HIPK2: variants seen among roughly 807,000 people sequenced by gnomAD.
HIPK2 encodes homeodomain-interacting protein kinase 2.
HIPK2 carries 27 observed loss-of-function variants against 113.7 expected under a neutral mutation model. The ratio of observed to expected loss-of-function variants is 0.24; its 90% CI spans 0.17 to 0.33. The LOEUF (loss-of-function observed/expected upper bound fraction) is 0.33, where lower values mean the gene tolerates loss of function less well. Ranked by LOEUF, HIPK2 falls within the 10% of genes least tolerant of loss-of-function variation. HIPK2 has a pLI of 1.00. For synonymous variants in HIPK2, 631 were observed against 642.2 expected (o/e 0.98, Z 0.26); for missense variants, 1,257 against 1,588.0 (o/e 0.79, Z 3.54).
intron 13 of HIPK2, among the ~76,000 whole-genome samples, chr7:139,578,969 G>A (rs79672391): frequency 0.072 from 10,919 of 152,248 alleles, 500 homozygotes; most frequent in Middle Eastern, 0.15. Flanking sequence ...CCACCGTGCC[G>A]GACAGCTATA....
chr7:139,688,850 A>C (rs2116763722), intron 2 of HIPK2, among the ~76,000 whole-genome samples: 1 of 152,324 alleles, frequency 6.6e-6, no homozygotes. Flanking sequence ...TAATGCCACC[A>C]GTATAGAACA....
At chr7:139,765,595 C>T (rs928907065) in intron 1 of HIPK2, among the ~76,000 whole-genome samples, 2 of 152,190 alleles carry the variant, frequency 1.3e-5, no homozygotes, top group Non-Finnish European at 2.9e-5. Flanking sequence ...GTATTTTGAA[C>T]ATATTTTTGT....
chr7:139,648,651 C>T (rs1343945888), intron 2 of HIPK2, among the ~76,000 whole-genome samples: 1 of 152,180 alleles, frequency 6.6e-6, no homozygotes, highest in Non-Finnish European at 1.5e-5. Flanking sequence ...GCTTAGGTTC[C>T]ATCACTTCCT....
In HIPK2 at chr7:139,571,655, AAAAAG is replaced by A. The variant is rs1402527742; in HGVS notation, c.*1267_*1271del. ...CAACGGGCATTAACATTTTAAAAAG[AAAAAG>A]AAAAAGAAAAAAAAAAGGCCAGCGT... On this transcript the variant is annotated 3_prime_UTR_variant, in exon 15 of 15. Transcript: ENST00000406875. 3.3e-5 allele frequency: 5 copies of A among 152,172 alleles called. No homozygotes were observed. The highest frequency in any genetic ancestry group is 7.3e-5 in the Non-Finnish European group (5 of 68,028). 9.4% of individuals were successfully genotyped at this position (152,172 alleles called of 1,614,324 possible).
intron 2 of HIPK2, among the ~76,000 whole-genome samples, chr7:139,673,006 A>G (rs1295355861): frequency 6.6e-6 from 1 of 152,224 alleles, no homozygotes; most frequent in Admixed American, 6.5e-5. Flanking sequence ...ACCACCTGGA[A>G]CAATCAAAAC....
At chr7:139,616,389 G>C (rs892230843) in intron 7 of HIPK2, among the ~76,000 whole-genome samples, 2 of 152,178 alleles carry the variant, frequency 1.3e-5, no homozygotes, top group African/African-American at 4.8e-5. Context: ...ATTACAGCTT[G>C]ATGAACATGG....
At chr7:139,748,111 A>C (rs1244300674) in intron 1 of HIPK2, among the ~76,000 whole-genome samples, 1 of 152,114 alleles carries the variant, frequency 6.6e-6, no homozygotes, top group Non-Finnish European at 1.5e-5. Flanking sequence ...TTCTCTAAAA[A>C]ACTCAGTGAG....
chr7:139,716,977 G>A lies in HIPK2; in HGVS notation c.58C>T (p.Leu20Phe). Residue 20 changes from leucine to phenylalanine, a missense_variant, in exon 2 of 15, where the codon CTT becomes TTT. Leu to Phe is a conservative substitution (Grantham distance 22, BLOSUM62 0). This residue lies in a region of HIPK2 where 209 missense variants were observed against 237.8 expected (regional missense o/e 0.88). Transcript: ENST00000406875. This position sits in a 1 kb window ranked among gnomAD's most constrained non-coding sequence, Gnocchi z 9.3. ...ACACTACAGAAGGCACTTGATTGAAGGGTGTGAGGGGAGAAAACTTGCACA... is the reference window on the plus strand; with the variant it reads ...ACACTACAGAAGGCACTTGATTGAAAGGTGTGAGGGGAGAAAACTTGCACA... Reference protein sequence around the residue: ...SHVQVFSPHTLQSSAFCSVKK... With the variant: ...SHVQVFSPHTFQSSAFCSVKK... 3.7e-6 allele frequency: 6 copies of A among 1,612,032 alleles called. No homozygotes were observed. Among genetic ancestry groups the A allele is most frequent in the Non-Finnish European group, 5.1e-6 (6 of 1,178,260 alleles).
At chr7:139,732,142 A>C (rs1554453766) in intron 1 of HIPK2, among the ~76,000 whole-genome samples, 2 of 152,224 alleles carry the variant, frequency 1.3e-5, no homozygotes, top group South Asian at 4.1e-4. Context: ...GTAAACTATA[A>C]AGCATAATAA....
intron 11 of HIPK2, 125 bp downstream of exon 11, chr7:139,600,292 G>T: frequency 9.0e-7 from 1 of 1,115,162 alleles, no homozygotes; most frequent in Non-Finnish European, 1.3e-6. Context: ...TGCAGGAAGA[G>T]GAGTGCCCCC....
At chr7:139,635,899 C>CA (rs1472790370) in intron 2 of HIPK2, among the ~76,000 whole-genome samples, 2 of 152,220 alleles carry the variant, frequency 1.3e-5, no homozygotes, top group Non-Finnish European at 2.9e-5. Context: ...GCCCCAAACA[C>CA]AAACCTTTCC....
intron 2 of HIPK2, among the ~76,000 whole-genome samples, chr7:139,659,411 T>A (rs180955345): frequency 3.8e-4 from 58 of 151,154 alleles, no homozygotes; most frequent in African/African-American, 1.3e-3. Context: ...TTTGAGTCCA[T>A]CTTTTTGGTA....
intron 1 of HIPK2, among the ~76,000 whole-genome samples, chr7:139,771,012 T>C (rs1796640875): frequency 1.3e-5 from 2 of 152,180 alleles, no homozygotes; most frequent in African/African-American, 4.8e-5. Flanking sequence ...CAACCTGCAG[T>C]GATGTCGTTC....
intron 2 of HIPK2, among the ~76,000 whole-genome samples, chr7:139,670,932 T>C (rs1445262575): frequency 1.3e-5 from 2 of 151,970 alleles, no homozygotes; most frequent in African/African-American, 4.8e-5. Context: ...GGCTAATTTT[T>C]GTATTTTTGG....
At chr7:139,755,694 G>C (rs1796351077) in intron 1 of HIPK2, among the ~76,000 whole-genome samples, 1 of 152,162 alleles carries the variant, frequency 6.6e-6, no homozygotes, top group Admixed American at 6.5e-5. Context: ...CCAGTCTCCG[G>C]CAGTCCCTTC....
intron 1 of HIPK2, among the ~76,000 whole-genome samples, chr7:139,750,952 T>C (rs554472240): frequency 6.6e-6 from 1 of 152,374 alleles, no homozygotes; most frequent in South Asian, 2.1e-4. Flanking sequence ...TAAGTAGCAA[T>C]GTAAGGGACT....
intron 1 of HIPK2, among the ~76,000 whole-genome samples, chr7:139,768,048 T>C (rs942941523): frequency 6.6e-6 from 1 of 152,204 alleles, no homozygotes; most frequent in Admixed American, 6.5e-5. Context: ...TGGGTGTACA[T>C]GTAGACCTGG....
At chr7:139,748,343 T>C (rs1796225639) in intron 1 of HIPK2, among the ~76,000 whole-genome samples, 1 of 152,114 alleles carries the variant, frequency 6.6e-6, no homozygotes, top group Non-Finnish European at 1.5e-5. Context: ...GGGCCCTACG[T>C]TACTTTATTT....
chr7:139,645,574 A>G (rs1028714000), intron 2 of HIPK2, among the ~76,000 whole-genome samples: 6 of 152,146 alleles, frequency 3.9e-5, no homozygotes, highest in Admixed American at 1.3e-4. Flanking sequence ...CAACTTTCCA[A>G]ATAAAGCCAC....
Sources: gnomAD v4.1 joint callset for allele counts (sites outside exome capture counted in the v4.1 genomes callset) on GRCh38, gnomAD v4.1.1 for gene constraint, gnomAD v4.1.1 regional missense constraint, Gnocchi (gnomAD v3.1) non-coding constraint, MANE v1.5 for transcripts, NCBI Gene and HGNC (gene_info 2026-07-23, HGNC 2026-07-21) for gene names.